Variants in LPL observed in about 807,000 individuals in gnomAD.
The protein encoded by LPL is phospholipase A1.
Under a neutral mutation model 52.2 loss-of-function variants are expected in LPL, and 43 were observed. The ratio of observed to expected loss-of-function variants is 0.82; its 90% CI spans 0.64 to 1.06. The LOEUF is 1.06. Ranked by LOEUF, LPL falls within the 50% of genes least tolerant of loss-of-function variation. The probability of loss-of-function intolerance (pLI) is 0.00; values close to 1 mark genes in which losing one functional copy is unlikely to be tolerated. For synonymous variants in LPL, 244 were observed against 215.6 expected (o/e 1.13, Z -1.15); for missense variants, 639 against 585.3 (o/e 1.09, Z -0.95).
intron 9 of LPL, among the ~76,000 whole-genome samples, chr8:19,962,530 G>T (rs183204774): frequency 6.6e-6 from 1 of 151,776 alleles, no homozygotes; most frequent in Non-Finnish European, 1.5e-5. Context: ...TCTCTACTGC[G>T]TCTCTGCTGA....
rs936038582 is a variant in LPL, at chr8:19,950,901, G to T, written c.250-868G>T. 6.7e-5 allele frequency among the ~76,000 whole-genome samples: 10 copies of T among 148,238 alleles called. No homozygotes were observed. The highest frequency in any genetic ancestry group is 9.0e-5 in the Non-Finnish European group (6 of 66,734). On this transcript the variant is annotated intron_variant, in intron 2 of 9. Coordinates refer to ENST00000650287, the MANE Select transcript of LPL (RefSeq NM_000237.3). The surrounding 1 kb of genome is among the most constrained non-coding windows in gnomAD (Gnocchi z 4.2). ...AGGGAGGAAGGAAGGAAGGAATGAA[G>T]GAAGGAAGGAAGGAATGAAGGAAGG...
rs1201378711 is a variant in LPL, at chr8:19,944,484, G to A, written c.89-3696G>A. On this transcript the variant is annotated intron_variant, in intron 1 of 9. Transcript: ENST00000650287. The surrounding 1 kb of genome is among the most constrained non-coding windows in gnomAD (Gnocchi z 4.2). Reference sequence around the variant, plus strand: ...GAGAGAAAGGGGTGGGGGGATAACAGGAGAACAGAAATTCCAAAGAGAATT... The same window carrying A: ...GAGAGAAAGGGGTGGGGGGATAACAAGAGAACAGAAATTCCAAAGAGAATT... 6.6e-6 allele frequency among the ~76,000 whole-genome samples: 1 copy of A among 151,686 alleles called. No individual in the cohort carries two copies. Among genetic ancestry groups the A allele is most frequent in the African/African-American group, 2.4e-5 (1 of 41,264 alleles).
intron 5 of LPL, 133 bp downstream of exon 5, chr8:19,954,486 C>A: frequency 1.2e-6 from 1 of 868,014 alleles, no homozygotes; most frequent in Non-Finnish European, 1.8e-6. Flanking sequence ...CTGAAGAATT[C>A]TGCAATGTTC....
intron 1 of LPL, among the ~76,000 whole-genome samples, chr8:19,942,191 C>T (rs915321270): frequency 6.6e-6 from 1 of 152,052 alleles, no homozygotes; most frequent in African/African-American, 2.4e-5. Flanking sequence ...TCTGTTCTTG[C>T]TTTATTATGG....
chr8:19,957,334 G>T (rs1303028307), intron 6 of LPL, among the ~76,000 whole-genome samples: 1 of 152,208 alleles, frequency 6.6e-6, no homozygotes, highest in East Asian at 1.9e-4. Context: ...TGATATTAAA[G>T]AACAGTGGCC....
chr8:19,954,849 A>T (rs1305216375), intron 5 of LPL, among the ~76,000 whole-genome samples: 1 of 152,106 alleles, frequency 6.6e-6, no homozygotes, highest in Admixed American at 6.6e-5. Context: ...TTTGAGATAG[A>T]GTCTTATTCT....
intron 7 of LPL, 80 bp downstream of exon 7, chr8:19,959,460 G>A: frequency 1.3e-6 from 2 of 1,535,174 alleles, no homozygotes; most frequent in Non-Finnish European, 1.8e-6. Context: ...CAGAAGCAGA[G>A]AGCGATGCCT....
At chr8:19,959,130 G>A (rs1563579509) in intron 6 of LPL, 130 bp from the exon 7 acceptor site, 21 of 1,064,520 alleles carry the variant, frequency 2.0e-5, no homozygotes, top group African/African-American at 3.1e-5. Context: ...CCACACCAGT[G>A]GTTCCATGTG....
Position 19,962,041 on chromosome 8 carries a change from G to A in LPL, c.1323-74G>A, listed in dbSNP as rs527244054. 2.6e-5 allele frequency: 26 copies of A among 996,648 alleles called. No homozygotes were observed. In the African/African-American group the frequency reaches 3.8e-4, roughly 15 times the overall value. The allele number at this position is 996,648 out of a possible 1,614,324, so 61.7% of individuals were successfully genotyped here. A position where few individuals can be genotyped will look rare whatever the true frequency, so the allele number is the denominator to read the frequency against. ...GATCATGTATTATTTAAACAGTCCT[G>A]ACAGAACTGTACCTTTGTGAACAGT... On this transcript the variant is annotated intron_variant, in intron 8 of 9. Transcript: ENST00000650287.
At position 19,944,137 on chromosome 8, in the gene LPL, G is replaced by A. The variant is rs568710556; in HGVS notation, c.89-4043G>A. 2.0e-5 allele frequency among the ~76,000 whole-genome samples: 3 copies of A among 152,214 alleles called. No individual in the cohort carries two copies. Among genetic ancestry groups the A allele is most frequent in the South Asian group, 2.1e-4 (1 of 4,826 alleles). ...GGAGGCATAGGTTGCAGTGAGTCAC[G>A]ATCGTGCCACTGCACTCCAGCCTGG... is the stretch of plus-strand genomic sequence containing the variant. On this transcript the variant is annotated intron_variant, in intron 1 of 9. Transcript: ENST00000650287. The surrounding 1 kb of genome is among the most constrained non-coding windows in gnomAD (Gnocchi z 4.2).
At position 19,959,317 on chromosome 8, in the gene LPL, A is replaced by C. The variant is rs1390095722; in HGVS notation, c.1076A>C (p.Asn359Thr). 6.2e-7 allele frequency: 1 copy of C among 1,613,984 alleles called. No individual in the cohort carries two copies. The highest frequency in any genetic ancestry group is 1.3e-5 in the African/African-American group (1 of 74,920). Reference protein sequence around the residue: ...FSGTESETHTNQAFEISLYGT... With the variant: ...FSGTESETHTTQAFEISLYGT... ...GGGACTGAGAGTGAAACCCATACCA[A>C]TCAGGCCTTTGAGATTTCTCTGTAT... is the stretch of plus-strand genomic sequence containing the variant. The change falls in exon 7 of 10, where the codon AAT becomes ACT. Residue 359 changes from asparagine to threonine, a missense_variant. Physicochemically the swap from Asn to Thr is moderately conservative, Grantham distance 65 (BLOSUM62 0). Transcript: ENST00000650287.
chr8:19,951,757 C>T lies in LPL; in HGVS notation c.250-12C>T. On this transcript the variant is annotated splice_polypyrimidine_tract_variant and intron_variant, in intron 2 of 9. Transcript: ENST00000650287. ...GTGGGTATTTTAAGAAAGCTTGTGT[C>T]ATCATCTTCAGGTAACAGGAATGTA... 6.2e-7 allele frequency: 1 copy of T among 1,613,658 alleles called. No homozygotes were observed.
intron 1 of LPL, among the ~76,000 whole-genome samples, chr8:19,940,952 G>A (rs2069833507): frequency 6.6e-6 from 1 of 152,186 alleles, no homozygotes; most frequent in Middle Eastern, 3.4e-3. Flanking sequence ...AAAATTAGCC[G>A]GGCGTGGTGG....
chr8:19,959,511 T>G (rs913493363), intron 7 of LPL, 131 bp downstream of exon 7: 15 of 1,178,590 alleles, frequency 1.3e-5, no homozygotes, highest in Non-Finnish European at 1.7e-5. Flanking sequence ...AATTTCAAAA[T>G]TGAGGTCTTT....
rs2069927851 is a variant in LPL, at chr8:19,950,879, G to GAAGGAAGGAAGGAATGA, written c.250-889_250-888insAGGAAGGAAGGAATGAA. Among the ~76,000 whole-genome samples, 1 of 127,562 alleles carries GAAGGAAGGAAGGAATGA rather than the reference G, an allele frequency of 7.8e-6. No individual in the cohort carries two copies. The highest frequency in any genetic ancestry group is 1.7e-5 in the Non-Finnish European group (1 of 58,832). 83.7% of individuals were successfully genotyped at this position (127,562 alleles called of 152,430 possible). A position where few individuals can be genotyped will look rare whatever the true frequency, so the allele number is the denominator to read the frequency against. On this transcript the variant is annotated intron_variant, in intron 2 of 9. Transcript: ENST00000650287. This position sits in a 1 kb window ranked among gnomAD's most constrained non-coding sequence, Gnocchi z 4.2. ...GGAAGGAGGAAGGGAAGGAGGGAGG[G>GAAGGAAGGAAGGAATGA]AGGAAGGAAGGAAGGAATGAAGGAA...
At chr8:19,948,446 G>A (rs918565125) in intron 2 of LPL, 106 bp downstream of exon 2, 16 of 1,297,260 alleles carry the variant, frequency 1.2e-5, no homozygotes, top group Admixed American at 8.8e-5. Flanking sequence ...CACATCTCAC[G>A]TGGATCTCCT....
At chr8:19,950,000 C>T (rs1032773742) in intron 2 of LPL, among the ~76,000 whole-genome samples, 1 of 152,182 alleles carries the variant, frequency 6.6e-6, no homozygotes, top group Admixed American at 6.5e-5. Flanking sequence ...AACCCAATAT[C>T]AACAGACGGT....
At chr8:19,949,517 C>CT (rs1345941546) in intron 2 of LPL, among the ~76,000 whole-genome samples, 1 of 152,162 alleles carries the variant, frequency 6.6e-6, no homozygotes, top group Non-Finnish European at 1.5e-5. Flanking sequence ...GAGGCTCACT[C>CT]TATTGCCCAG....
chr8:19,950,889 G>A lies in LPL; in HGVS notation c.250-880G>A, dbSNP rs1223759523. On this transcript the variant is annotated intron_variant, in intron 2 of 9. Transcript: ENST00000650287. This position sits in a 1 kb window ranked among gnomAD's most constrained non-coding sequence, Gnocchi z 4.2. The stretch of plus-strand genomic sequence containing the variant: ...AGGGAAGGAGGGAGGGAGGAAGGAA[G>A]GAAGGAATGAAGGAAGGAAGGAAGG... Among the ~76,000 whole-genome samples, 1 of 148,268 alleles carries A rather than the reference G, an allele frequency of 6.7e-6. No homozygotes were observed. The highest frequency in any genetic ancestry group is 2.5e-5 in the African/African-American group (1 of 40,148).
Sources: gnomAD v4.1 joint callset for allele counts (sites outside exome capture counted in the v4.1 genomes callset) on GRCh38, gnomAD v4.1.1 for gene constraint, Gnocchi (gnomAD v3.1) non-coding constraint, MANE v1.5 for transcripts, NCBI Gene and HGNC (gene_info 2026-07-23, HGNC 2026-07-21) for gene names.